The following FBXO31 variants were observed in gnomAD, a reference collection of about 807,000 sequenced individuals.
FBXO31 encodes the protein F-box protein 31.
A neutral mutation model predicts 54.4 loss-of-function variants in FBXO31; 24 were observed. The observed-to-expected ratio is 0.44, with a 90% CI of 0.32 to 0.62. The LOEUF is 0.62. FBXO31 is among the 20% of genes least tolerant of loss of function. The pLI is 0.05. For missense variants in FBXO31, 665 were observed against 787.1 expected (o/e 0.84, Z 1.86); for synonymous variants, 388 against 335.6 (o/e 1.16, Z -1.71).
Position 87,379,190 on chromosome 16 carries a change from A to G in FBXO31, c.340+4215T>C, listed in dbSNP as rs941732611. 5.9e-5 allele frequency among the ~76,000 whole-genome samples: 9 copies of G among 152,148 alleles called. No homozygotes were observed. In the South Asian group the frequency reaches 1.0e-3, roughly 18 times the overall value. On this transcript the variant is annotated intron_variant, in intron 1 of 8. Coordinates refer to ENST00000311635, the MANE Select transcript of FBXO31 (RefSeq NM_024735.5). ...CCCAGGCTGGAGTGCAATGGCATGC[A>G]TGATCTTGGCTCACTGCAACCTCCA...
chr16:87,390,211 G>T (rs1435625696), upstream of FBXO31, among the ~76,000 whole-genome samples: 1 of 152,080 alleles, frequency 6.6e-6, no homozygotes, highest in African/African-American at 2.4e-5. Context: ...AACCCGGGAG[G>T]TGGAGGTTGC....
intron 1 of FBXO31, among the ~76,000 whole-genome samples, chr16:87,369,357 G>A (rs564444285): frequency 7.9e-5 from 12 of 152,020 alleles, no homozygotes; most frequent in African/African-American, 1.9e-4. Context: ...CCCCAGCCCC[G>A]TCCTCGGCAC....
chr16:87,337,732 G>C (rs1377038392), intron 5 of FBXO31, among the ~76,000 whole-genome samples: 2 of 151,772 alleles, frequency 1.3e-5, no homozygotes, highest in South Asian at 4.2e-4. Flanking sequence ...AAGGAACCAC[G>C]ACCCCGCCTT....
At chr16:87,362,306 CT>C (rs533091222) in intron 1 of FBXO31, among the ~76,000 whole-genome samples, 3,830 of 146,618 alleles carry the variant, frequency 0.026, 103 homozygotes, top group African/African-American at 0.06. Flanking sequence ...ACTGAGTTAT[CT>C]TTTTTTTTTT....
intron 2 of FBXO31, among the ~76,000 whole-genome samples, chr16:87,357,183 T>C (rs1905927999): frequency 6.6e-6 from 1 of 151,542 alleles, no homozygotes; most frequent in Non-Finnish European, 1.5e-5. Context: ...AGTTCAAGGA[T>C]ACAATGAGCT....
upstream of FBXO31, among the ~76,000 whole-genome samples, chr16:87,390,975 T>C (rs757882206): frequency 7.2e-5 from 11 of 152,090 alleles, no homozygotes; most frequent in South Asian, 6.2e-4. Flanking sequence ...CCAATTGGGA[T>C]AGAAGAAAGG....
rs1178723583 is a variant in FBXO31, at chr16:87,329,010, CG to C, written c.*2277del. 1.3e-5 allele frequency: 2 copies of C among 152,262 alleles called. No individual in the cohort carries two copies. The highest frequency in any genetic ancestry group is 6.5e-5 in the Admixed American group (1 of 15,284). The allele number at this position is 152,262 out of a possible 1,614,324, so 9.4% of individuals were successfully genotyped here. A position where few individuals can be genotyped will look rare whatever the true frequency, so the allele number is the denominator to read the frequency against. On this transcript the variant is annotated 3_prime_UTR_variant, in exon 9 of 9. Coordinates refer to ENST00000311635, the MANE Select transcript of FBXO31 (RefSeq NM_024735.5). ...CCCTGAGAGGGTGGATGCCCTCCCC[CG>C]GAAGGGAAGCTGCTGTTTTGAGGCG...
intron 1 of FBXO31, among the ~76,000 whole-genome samples, chr16:87,368,756 G>C (rs1191202045): frequency 6.6e-6 from 1 of 152,008 alleles, no homozygotes; most frequent in Admixed American, 6.6e-5. Flanking sequence ...TGAAGCAGCT[G>C]TTCTGATTGC....
intron 1 of FBXO31, among the ~76,000 whole-genome samples, chr16:87,362,379 T>A (rs536414838): frequency 8.5e-5 from 13 of 152,082 alleles, no homozygotes; most frequent in African/African-American, 2.9e-4. Context: ...AAAACATACA[T>A]ACATACATAC....
chr16:87,370,367 A>G (rs575791842), intron 1 of FBXO31, among the ~76,000 whole-genome samples: 1 of 152,352 alleles, frequency 6.6e-6, no homozygotes, highest in African/African-American at 2.4e-5. Flanking sequence ...GTAAGAAGGC[A>G]CTTGGCATCT....
upstream of FBXO31, among the ~76,000 whole-genome samples, chr16:87,390,895 C>T (rs1039658536): frequency 2.6e-5 from 4 of 152,146 alleles, no homozygotes; most frequent in Non-Finnish European, 5.9e-5. Context: ...CACCGCCCCC[C>T]GCTATTTTCA....
intron 2 of FBXO31, among the ~76,000 whole-genome samples, chr16:87,348,015 ATC>A (rs1386206980): frequency 6.6e-6 from 1 of 152,242 alleles, no homozygotes; most frequent in East Asian, 1.9e-4. Context: ...AGGCTGGGCC[ATC>A]TCACTTCCTG....
intron 2 of FBXO31, among the ~76,000 whole-genome samples, chr16:87,352,112 C>T (rs1905688664): frequency 6.6e-6 from 1 of 152,032 alleles, no homozygotes; most frequent in Non-Finnish European, 1.5e-5. Context: ...CAGCTCAGTG[C>T]AATTTAATCA....
intron 1 of FBXO31, among the ~76,000 whole-genome samples, chr16:87,370,250 C>G (rs1906540439): frequency 6.6e-6 from 1 of 152,206 alleles, no homozygotes; most frequent in African/African-American, 2.4e-5. Context: ...CGGGAGGTGG[C>G]AGCCTGGCCA....
rs1002584487 is a variant in FBXO31, at chr16:87,338,727, G to A, written c.733-2463C>T. The stretch of plus-strand genomic sequence containing the variant: ...ATGCCAAAGAGACTGCATTGCCCTC[G>A]AAGCCTCCCCTGTCCAGAGCCTGGC... On this transcript the variant is annotated intron_variant, in intron 5 of 8. Coordinates refer to ENST00000311635, the MANE Select transcript of FBXO31 (RefSeq NM_024735.5). The surrounding 1 kb of genome is among the most constrained non-coding windows in gnomAD (Gnocchi z 4.3). Among the ~76,000 whole-genome samples, 8 of 152,046 alleles carry A rather than the reference G, an allele frequency of 5.3e-5. No homozygotes were observed. Among genetic ancestry groups the A allele is most frequent in the African/African-American group, 1.4e-4 (6 of 41,416 alleles).
intron 2 of FBXO31, among the ~76,000 whole-genome samples, chr16:87,357,254 A>T (rs1048411374): frequency 6.6e-6 from 1 of 151,932 alleles, no homozygotes; most frequent in Non-Finnish European, 1.5e-5. Context: ...AAAAAAAAAA[A>T]GTGGAGACAG....
At chr16:87,385,532 C>T (rs956808823), upstream of FBXO31, among the ~76,000 whole-genome samples, 1 of 151,490 alleles carries the variant, frequency 6.6e-6, no homozygotes, top group African/African-American at 2.4e-5. Context: ...AACAAGTAAC[C>T]ACATAGATAA....
chr16:87,368,993 G>C (rs1906483520), intron 1 of FBXO31, among the ~76,000 whole-genome samples: 2 of 151,974 alleles, frequency 1.3e-5, no homozygotes, highest in Non-Finnish European at 1.5e-5. Context: ...GTAGTGACGG[G>C]GTTTCGCCAT....
chr16:87,379,407 T>C (rs552424852), intron 1 of FBXO31, among the ~76,000 whole-genome samples: 1 of 152,182 alleles, frequency 6.6e-6, no homozygotes, highest in South Asian at 2.1e-4. Flanking sequence ...GAGGAATTCA[T>C]CTTAAACAGG....
Sources: gnomAD v4.1 joint callset for allele counts (sites outside exome capture counted in the v4.1 genomes callset) on GRCh38, gnomAD v4.1.1 for gene constraint, Gnocchi (gnomAD v3.1) non-coding constraint, MANE v1.5 for transcripts, NCBI Gene and HGNC (gene_info 2026-07-23, HGNC 2026-07-21) for gene names.